Variants in NCAM2 observed in about 807,000 individuals in gnomAD.
The protein encoded by NCAM2 is neural cell adhesion molecule 2, also known as N-CAM-2.
In NCAM2, 30 loss-of-function variants were observed where a neutral mutation model predicts 98.1. That is an observed-to-expected ratio of 0.31 (90% CI 0.23 to 0.41). NCAM2 has a LOEUF of 0.41. Among genes scored for constraint, NCAM2 ranks in the 10% least tolerant of loss-of-function variants. The pLI, the probability that NCAM2 is intolerant of heterozygous loss-of-function variation, is 1.00. For missense variants in NCAM2, 867 were observed against 1,005.8 expected (o/e 0.86, Z 1.87); for synonymous variants, 368 against 342.4 (o/e 1.07, Z -0.83).
intron 1 of NCAM2, among the ~76,000 whole-genome samples, chr21:21,035,990 T>C (rs1245094157): frequency 6.6e-6 from 1 of 152,218 alleles, no homozygotes; most frequent in Non-Finnish European, 1.5e-5. Flanking sequence ...TAAACATTTT[T>C]ATTTGACAGT....
chr21:21,071,342 A>T (rs540062644), intron 1 of NCAM2, among the ~76,000 whole-genome samples: 41 of 152,290 alleles, frequency 2.7e-4, no homozygotes, highest in African/African-American at 8.7e-4. Flanking sequence ...ACATTGGCGA[A>T]TTTTATGGGG....
chr21:21,043,178 T>C (rs1279286360), intron 1 of NCAM2, among the ~76,000 whole-genome samples: 2 of 152,186 alleles, frequency 1.3e-5, no homozygotes, highest in African/African-American at 2.4e-5. Context: ...TCTATAAAGG[T>C]CTTTCTGTTA....
chr21:21,096,509 C>G (rs937085235), intron 1 of NCAM2, among the ~76,000 whole-genome samples: 1 of 151,698 alleles, frequency 6.6e-6, no homozygotes, highest in Non-Finnish European at 1.5e-5. Context: ...ATTTAATACT[C>G]TAAAACATTA....
chr21:21,271,448 A>AT (rs1489700189), intron 1 of NCAM2, among the ~76,000 whole-genome samples: 1 of 152,360 alleles, frequency 6.6e-6, no homozygotes, highest in East Asian at 1.9e-4. Context: ...TTTTAGATTA[A>AT]TTTTAACTTA....
intron 1 of NCAM2, among the ~76,000 whole-genome samples, chr21:21,035,176 G>T (rs1725349709): frequency 6.6e-6 from 1 of 152,152 alleles, no homozygotes; most frequent in Admixed American, 6.5e-5. Flanking sequence ...CTATTTATTG[G>T]CTCCATAAAT....
chr21:20,998,610 G>A lies in NCAM2; in HGVS notation c.47G>A (p.Ser16Asn), dbSNP rs1368157918. 18 of 1,614,112 alleles carry A rather than the reference G, an allele frequency of 1.1e-5. 1 individual carries two copies. In the South Asian group the frequency reaches 1.9e-4, roughly 17 times the overall value. ...SFYLLGLLVS[S>N]GQALLQVTIS... ...TACCTGCTGGGGTTGCTTGTCAGTA[G>A]CGGGCAAGGTAGGAGTGTGGCGCTT... The change falls in exon 1 of 18, where the codon AGC (serine) becomes AAC (asparagine). Residue 16 changes from serine to asparagine, a missense_variant. By Grantham distance (46) the Ser-to-Asn change is conservative. Around this residue, in one of 5 missense-constraint regions of NCAM2, gnomAD observed 447 missense variants for 495.7 expected, o/e 0.90. Transcript: ENST00000400546.
chr21:21,257,474 C>A lies in NCAM2; in HGVS notation c.56-23104C>A, dbSNP rs7283970. Among the ~76,000 whole-genome samples the A allele has an allele frequency of 8.9e-4, 136 of 152,360 alleles. 2 individuals carry two copies. The East Asian group carries it at 0.024, about 27-fold the overall frequency. The stretch of plus-strand genomic sequence containing the variant: ...TTTATCATCTGAGACAGTAAGAACC[C>A]AAACAATTTAACAATGTCTTCAAAG... On this transcript the variant is annotated intron_variant, in intron 1 of 17. Coordinates refer to ENST00000400546, the MANE Select transcript of NCAM2 (RefSeq NM_004540.5).
At position 21,214,780 on chromosome 21, in the gene NCAM2, T is replaced by C. The variant is rs573222777; in HGVS notation, c.56-65798T>C. Among the ~76,000 whole-genome samples the C allele has an allele frequency of 2.6e-4, 35 of 135,908 alleles. 1 individual carries two copies. Among genetic ancestry groups the C allele is most frequent in the African/African-American group, 8.8e-4 (33 of 37,522 alleles). 89.2% of individuals were successfully genotyped at this position (135,908 alleles called of 152,430 possible). A position where few individuals can be genotyped will look rare whatever the true frequency, so the allele number is the denominator to read the frequency against. ...TATACACATATATGTAATATATATA[T>C]ACACATATATATACATATAGGTATA... On this transcript the variant is annotated intron_variant, in intron 1 of 17. Coordinates refer to ENST00000400546, the MANE Select transcript of NCAM2 (RefSeq NM_004540.5).
chr21:21,163,467 G>A (rs750939787), intron 1 of NCAM2, among the ~76,000 whole-genome samples: 18 of 151,886 alleles, frequency 1.2e-4, no homozygotes, highest in African/African-American at 2.2e-4. Context: ...AAACATTTTC[G>A]TTTGCTTTAT....
At chr21:21,452,230 C>A (rs1006197902) in intron 12 of NCAM2, among the ~76,000 whole-genome samples, 1 of 150,782 alleles carries the variant, frequency 6.6e-6, no homozygotes, top group African/African-American at 2.4e-5. Context: ...ATATTATATA[C>A]ACACATATAC....
Position 21,449,229 on chromosome 21 carries a change from A to G in NCAM2, c.1654+16948A>G, listed in dbSNP as rs1319184375. Among the ~76,000 whole-genome samples the G allele has an allele frequency of 2.0e-5, 3 of 152,148 alleles. No homozygotes were observed. The East Asian group carries it at 5.8e-4, about 29-fold the overall frequency. ...GCATGCATAATTTTATGAATCAAAT[A>G]AATAGTACAAATAAATGATATTAAT... is the stretch of plus-strand genomic sequence containing the variant. On this transcript the variant is annotated intron_variant, in intron 12 of 17. Transcript: ENST00000400546.
intron 16 of NCAM2, among the ~76,000 whole-genome samples, chr21:21,533,582 G>T (rs190463916): frequency 1.4e-4 from 21 of 150,802 alleles, no homozygotes; most frequent in Non-Finnish European, 2.7e-4. Flanking sequence ...TATAAATAGT[G>T]TTACTGTAAA....
intron 1 of NCAM2, among the ~76,000 whole-genome samples, chr21:21,171,007 AC>A (rs2068106751): frequency 6.6e-6 from 1 of 152,214 alleles, no homozygotes; most frequent in African/African-American, 2.4e-5. Flanking sequence ...TTTTGGAAAC[AC>A]TTTTCAGCTT....
intron 6 of NCAM2, among the ~76,000 whole-genome samples, chr21:21,329,308 T>C (rs1051807854): frequency 1.3e-5 from 2 of 152,160 alleles, no homozygotes; most frequent in Admixed American, 6.6e-5. Context: ...TGTTTAGATA[T>C]GCAGATATTT....
chr21:21,198,922 T>C (rs1290959639), intron 1 of NCAM2, among the ~76,000 whole-genome samples: 4 of 152,152 alleles, frequency 2.6e-5, no homozygotes, highest in African/African-American at 7.2e-5. Flanking sequence ...CACTTTCCAT[T>C]ATGTATCTGG....
rs577721850 is a variant in NCAM2 at position 21,505,753 on chromosome 21, T to C, written c.2078-3098T>C. 5.9e-5 allele frequency among the ~76,000 whole-genome samples: 9 copies of C among 152,082 alleles called. No individual in the cohort carries two copies. In the East Asian group the frequency reaches 1.7e-3, roughly 29 times the overall value. On this transcript the variant is annotated intron_variant, in intron 15 of 17. Coordinates refer to ENST00000400546, the MANE Select transcript of NCAM2 (RefSeq NM_004540.5). ...GAAATATCATTTTTATAATACTAAA[T>C]ATCAATTTTATAATATTAAAATAAT...
At position 21,443,692 on chromosome 21, in the gene NCAM2, C is replaced by G. The variant is rs551217096; in HGVS notation, c.1654+11411C>G. 2.3e-3 allele frequency among the ~76,000 whole-genome samples: 354 copies of G among 152,140 alleles called. 1 individual carries two copies. Among genetic ancestry groups the G allele is most frequent in the Non-Finnish European group, 3.7e-3 (253 of 67,998 alleles). On this transcript the variant is annotated intron_variant, in intron 12 of 17. Coordinates refer to ENST00000400546, the MANE Select transcript of NCAM2 (RefSeq NM_004540.5). ...TTTAAGTACTCAGTGAGAGATAGCC[C>G]TTTTCCATTATAGTAGAGGCAGTTG...
intron 5 of NCAM2, among the ~76,000 whole-genome samples, chr21:21,311,877 C>G (rs1204657121): frequency 6.6e-6 from 1 of 152,026 alleles, no homozygotes; most frequent in African/African-American, 2.4e-5. Context: ...GTGTTACACT[C>G]AACAATTAGT....
intron 8 of NCAM2, among the ~76,000 whole-genome samples, chr21:21,339,545 T>A (rs2074967658): frequency 6.6e-6 from 1 of 152,010 alleles, no homozygotes; most frequent in Non-Finnish European, 1.5e-5. Flanking sequence ...TTACATTGCT[T>A]TTCTCTACTC....
Sources: gnomAD v4.1 joint callset for allele counts (sites outside exome capture counted in the v4.1 genomes callset) on GRCh38, gnomAD v4.1.1 for gene constraint, gnomAD v4.1.1 regional missense constraint, MANE v1.5 for transcripts, NCBI Gene and HGNC (gene_info 2026-07-23, HGNC 2026-07-21) for gene names.